The following DSCAM variants were observed in gnomAD, a reference collection of about 807,000 sequenced individuals.
DSCAM encodes DS cell adhesion molecule, also known as cell adhesion molecule DSCAM.
DSCAM carries 47 observed loss-of-function variants against 217.7 expected under a neutral mutation model. The ratio of observed to expected loss-of-function variants is 0.22; its 90% CI spans 0.17 to 0.28. The LOEUF (loss-of-function observed/expected upper bound fraction) is 0.28, where lower values mean the gene tolerates loss of function less well. DSCAM is among the 10% of genes least tolerant of loss of function. The probability of loss-of-function intolerance (pLI) is 1.00; values close to 1 mark genes in which losing one functional copy is unlikely to be tolerated. For synonymous variants in DSCAM, 1,056 were observed against 1,015.3 expected, an observed-to-expected ratio of 1.04 and a Z score of -0.76; for missense variants, 2,080 against 2,618.3, an observed-to-expected ratio of 0.79 and a Z score of 4.49.
At chr21:40,099,349 T>TA (rs1328108230) in intron 20 of DSCAM, among the ~76,000 whole-genome samples, 1 of 152,184 alleles carries the variant, frequency 6.6e-6, no homozygotes, top group Non-Finnish European at 1.5e-5. Context: ...AGAATTGAAG[T>TA]AAAAAAGGTA....
intron 3 of DSCAM, among the ~76,000 whole-genome samples, chr21:40,551,754 T>C (rs924025004): frequency 5.3e-5 from 8 of 152,240 alleles, no homozygotes; most frequent in Non-Finnish European, 1.2e-4. Flanking sequence ...CTTATTGCTA[T>C]GAAGAATCTT....
At chr21:40,836,720 G>A (rs1569061282) in intron 1 of DSCAM, among the ~76,000 whole-genome samples, 1 of 152,182 alleles carries the variant, frequency 6.6e-6, no homozygotes, top group Admixed American at 6.5e-5. Context: ...GCAAAGGCAT[G>A]CGTTAATAAT....
intron 11 of DSCAM, among the ~76,000 whole-genome samples, chr21:40,228,930 G>A (rs452405): frequency 0.51 from 76,960 of 151,352 alleles, 20,621 homozygotes; most frequent in African/African-American, 0.7. Context: ...GAATATTCCT[G>A]TATGTATCCA....
At chr21:40,577,162 TTATG>T (rs1262204662) in intron 3 of DSCAM, among the ~76,000 whole-genome samples, 5 of 151,644 alleles carry the variant, frequency 3.3e-5, no homozygotes, top group Non-Finnish European at 7.4e-5. Context: ...ATTCATTTAT[TTATG>T]TATTATATAT....
chr21:40,017,170 A>G (rs2088174274), intron 32 of DSCAM, among the ~76,000 whole-genome samples: 1 of 152,072 alleles, frequency 6.6e-6, no homozygotes, highest in South Asian at 2.1e-4. Flanking sequence ...CTAAAAATGC[A>G]TTTTATACAA....
intron 3 of DSCAM, among the ~76,000 whole-genome samples, chr21:40,520,097 C>T: frequency 6.6e-6 from 1 of 152,072 alleles, no homozygotes; most frequent in East Asian, 1.9e-4. Flanking sequence ...AATATGTTTC[C>T]TTAATGACAT....
At chr21:40,734,291 G>C (rs566549479) in intron 1 of DSCAM, among the ~76,000 whole-genome samples, 35 of 152,262 alleles carry the variant, frequency 2.3e-4, no homozygotes, top group African/African-American at 7.9e-4. Flanking sequence ...CAAGAGGAGA[G>C]CAGGAGGAAG....
chr21:40,513,449 G>A (rs1276547850), intron 3 of DSCAM, among the ~76,000 whole-genome samples: 1 of 152,180 alleles, frequency 6.6e-6, no homozygotes, highest in Non-Finnish European at 1.5e-5. Context: ...GGTTCTGTAG[G>A]TTGTACAAGA....
At chr21:40,567,982 G>A (rs2076778031) in intron 3 of DSCAM, among the ~76,000 whole-genome samples, 1 of 151,866 alleles carries the variant, frequency 6.6e-6, no homozygotes, top group African/African-American at 2.4e-5. Context: ...CTATTGCCCA[G>A]GCAGGAGTGC....
chr21:40,357,569 G>A (rs1242913382), intron 4 of DSCAM, among the ~76,000 whole-genome samples: 1 of 152,146 alleles, frequency 6.6e-6, no homozygotes, highest in African/African-American at 2.4e-5. Flanking sequence ...TTGCAATATT[G>A]TTTAGTAAGT....
At chr21:40,720,372 C>T (rs1167711681) in intron 1 of DSCAM, among the ~76,000 whole-genome samples, 3 of 152,090 alleles carry the variant, frequency 2.0e-5, no homozygotes, top group Non-Finnish European at 2.9e-5. Flanking sequence ...AGTGTCATCT[C>T]GATCAGACAA....
intron 2 of DSCAM, among the ~76,000 whole-genome samples, chr21:40,695,053 T>C (rs975940137): frequency 6.6e-6 from 1 of 152,138 alleles, no homozygotes; most frequent in Non-Finnish European, 1.5e-5. Context: ...AGCTCCTTTG[T>C]CTGTGTGATG....
Position 40,759,544 on chromosome 21 carries a change from G to A in DSCAM, c.44-50773C>T, listed in dbSNP as rs184906794. On this transcript the variant is annotated intron_variant, in intron 1 of 32. Coordinates refer to ENST00000400454, the MANE Select transcript of DSCAM (RefSeq NM_001389.5). ...TGCCAGCTGGCCTGCCTATCTCTCTGTCCCCCAGTCAAGGTGCACCTGCAG... is the reference window on the plus strand; with the variant it reads ...TGCCAGCTGGCCTGCCTATCTCTCTATCCCCCAGTCAAGGTGCACCTGCAG... 2.6e-4 allele frequency among the ~76,000 whole-genome samples: 39 copies of A among 152,272 alleles called. No individual in the cohort carries two copies. In the East Asian group the frequency reaches 2.9e-3, roughly 11 times the overall value.
chr21:40,669,880 T>C (rs2090251805), intron 3 of DSCAM, among the ~76,000 whole-genome samples: 1 of 152,116 alleles, frequency 6.6e-6, no homozygotes, highest in South Asian at 2.1e-4. Context: ...CATGTTATTA[T>C]AATTTTTAAG....
At chr21:40,756,448 T>A (rs188698850) in intron 1 of DSCAM, among the ~76,000 whole-genome samples, 1 of 152,308 alleles carries the variant, frequency 6.6e-6, no homozygotes, top group East Asian at 1.9e-4. Context: ...CTGGAGTGCA[T>A]TGGCATGATC....
chr21:40,306,240 GT>G (rs933155418), intron 9 of DSCAM, among the ~76,000 whole-genome samples: 1 of 144,406 alleles, frequency 6.9e-6, no homozygotes, highest in Non-Finnish European at 1.5e-5. Context: ...TTGGCTCTCT[GT>G]TTGTCTGTTA....
chr21:40,253,442 C>T (rs1362936419), intron 11 of DSCAM, among the ~76,000 whole-genome samples: 1 of 152,152 alleles, frequency 6.6e-6, no homozygotes, highest in Non-Finnish European at 1.5e-5. Flanking sequence ...TTCAGTTACT[C>T]ACAACAGACC....
At chr21:40,415,251 C>A (rs1426941655) in intron 3 of DSCAM, among the ~76,000 whole-genome samples, 1 of 152,056 alleles carries the variant, frequency 6.6e-6, no homozygotes. Context: ...AAAGAAAAGA[C>A]AGATGGAATT....
At chr21:40,597,104 A>G (rs2077026973) in intron 3 of DSCAM, among the ~76,000 whole-genome samples, 1 of 152,222 alleles carries the variant, frequency 6.6e-6, no homozygotes, top group African/African-American at 2.4e-5. Flanking sequence ...TCACATTTTC[A>G]GAAACCCAAA....
Sources: gnomAD v4.1 joint callset for allele counts (sites outside exome capture counted in the v4.1 genomes callset) on GRCh38, gnomAD v4.1.1 for gene constraint, MANE v1.5 for transcripts, NCBI Gene and HGNC (gene_info 2026-07-23, HGNC 2026-07-21) for gene names.